The following CDYL2 variants were observed in gnomAD, a reference collection of about 807,000 sequenced individuals.
CDYL2 encodes the protein chromodomain Y like 2, also known as chromodomain Y-like protein 2.
CDYL2 carries 23 observed loss-of-function variants against 49.4 expected under a neutral mutation model. That is an observed-to-expected ratio of 0.47 (90% confidence interval 0.34 to 0.66). The LOEUF (loss-of-function observed/expected upper bound fraction) is 0.66, where lower values mean the gene tolerates loss of function less well. Among genes scored for constraint, CDYL2 ranks in the 30% least tolerant of loss-of-function variants. CDYL2 has a pLI of 0.01. For synonymous variants in CDYL2, 360 were observed against 268.8 expected, an observed-to-expected ratio of 1.34 and a Z score of -3.32; for missense variants, 678 against 656.4, an observed-to-expected ratio of 1.03 and a Z score of -0.36.
At chr16:80,764,341 A>G (rs1906639460) in intron 1 of CDYL2, among the ~76,000 whole-genome samples, 2 of 152,204 alleles carry the variant, frequency 1.3e-5, no homozygotes, top group African/African-American at 4.8e-5. Flanking sequence ...TGAGAGACAG[A>G]AAAAGAGATA....
At chr16:80,730,658 A>T (rs930702005) in intron 1 of CDYL2, among the ~76,000 whole-genome samples, 1 of 152,208 alleles carries the variant, frequency 6.6e-6, no homozygotes, top group African/African-American at 2.4e-5. Flanking sequence ...AAAAAAAAGA[A>T]TTTTAGACCA....
intron 1 of CDYL2, among the ~76,000 whole-genome samples, chr16:80,713,306 A>T (rs1392171460): frequency 6.6e-6 from 1 of 152,214 alleles, no homozygotes. Flanking sequence ...AGAACAGTGC[A>T]TTGTGGGAGA....
chr16:80,630,123 T>C (rs1014202854), intron 3 of CDYL2, among the ~76,000 whole-genome samples: 2 of 152,230 alleles, frequency 1.3e-5, no homozygotes, highest in Admixed American at 1.3e-4. Flanking sequence ...CATTACGGGC[T>C]GCTTTACCCA....
intron 2 of CDYL2, among the ~76,000 whole-genome samples, chr16:80,664,333 C>G (rs1411368907): frequency 1.3e-5 from 2 of 152,162 alleles, no homozygotes; most frequent in African/African-American, 4.8e-5. Context: ...ACATCTAATC[C>G]TCCGGGGCCA....
intron 4 of CDYL2, among the ~76,000 whole-genome samples, chr16:80,620,057 T>C (rs897619192): frequency 6.6e-6 from 1 of 152,188 alleles, no homozygotes; most frequent in African/African-American, 2.4e-5. Flanking sequence ...CTAAGCAAGA[T>C]ACAGCAGCAC....
chr16:80,608,206 C>T lies in CDYL2; in HGVS notation c.1248G>A (p.Lys416=). ...TGCTGCAGGCCTCCTGGGCGGTGAG[C>T]TTCCGCCCACAGAACAGCATCTCAT... ...LANEMLFCGR[K]LTAQEACSRG... Residue 416 remains lysine, a synonymous_variant, in exon 6 of 7, where the codon AAG becomes AAA. Transcript: ENST00000570137. The T allele has an allele frequency of 6.3e-7, 1 of 1,589,492 alleles. No homozygotes were observed. Among genetic ancestry groups the T allele is most frequent in the Non-Finnish European group, 8.6e-7 (1 of 1,167,372 alleles).
At chr16:80,711,105 T>C (rs1014150531) in intron 1 of CDYL2, among the ~76,000 whole-genome samples, 1 of 151,922 alleles carries the variant, frequency 6.6e-6, no homozygotes, top group Non-Finnish European at 1.5e-5. Flanking sequence ...AAAGTAAAGG[T>C]TGTGCTACGC....
chr16:80,771,697 TG>T (rs1363597312), intron 1 of CDYL2, among the ~76,000 whole-genome samples: 1 of 151,772 alleles, frequency 6.6e-6, no homozygotes, highest in Non-Finnish European at 1.5e-5. Context: ...CACTCCAGCT[TG>T]GGTGTCAAAG....
chr16:80,690,213 C>A (rs982540424), intron 1 of CDYL2, among the ~76,000 whole-genome samples: 12 of 152,082 alleles, frequency 7.9e-5, no homozygotes, highest in African/African-American at 2.9e-4. Flanking sequence ...ACAACGGCAG[C>A]GGGAATGGAT....
intron 1 of CDYL2, among the ~76,000 whole-genome samples, chr16:80,765,782 G>A (rs936716067): frequency 7.1e-6 from 1 of 141,408 alleles, no homozygotes; most frequent in Non-Finnish European, 1.5e-5. Flanking sequence ...GTACTGTACC[G>A]GTAGCTCTGG....
intron 2 of CDYL2, among the ~76,000 whole-genome samples, chr16:80,653,463 CTCAAAAA>C (rs1908674210): frequency 6.6e-6 from 1 of 151,858 alleles, no homozygotes; most frequent in African/African-American, 2.4e-5. Context: ...GAAACTCCGT[CTCAAAAA>C]ACAAAAAAGC....
At chr16:80,712,465 CCT>C (rs748996009) in intron 1 of CDYL2, among the ~76,000 whole-genome samples, 26 of 151,930 alleles carry the variant, frequency 1.7e-4, no homozygotes, top group Non-Finnish European at 3.2e-4. Flanking sequence ...CTCACATCTC[CCT>C]GTTTCCTCAC....
intron 1 of CDYL2, among the ~76,000 whole-genome samples, chr16:80,706,078 G>A (rs1904394331): frequency 6.6e-6 from 1 of 152,188 alleles, no homozygotes; most frequent in African/African-American, 2.4e-5. Context: ...GAAGACTGAT[G>A]GAAAAGTGTT....
chr16:80,717,885 T>C (rs541298478), intron 1 of CDYL2, among the ~76,000 whole-genome samples: 10 of 152,308 alleles, frequency 6.6e-5, no homozygotes, highest in African/African-American at 2.4e-4. Context: ...TCCCACATGG[T>C]TCGTGGAAGC....
chr16:80,621,041 C>T, intron 3 of CDYL2, 106 bp from the exon 4 acceptor site: 2 of 1,281,730 alleles, frequency 1.6e-6, no homozygotes, highest in South Asian at 1.7e-5. Context: ...GGGTAGAGGC[C>T]AGGGAATCTG....
rs1908129062 is a variant in CDYL2, at chr16:80,642,244, A to G, written c.617-9008T>C. 3.9e-5 allele frequency among the ~76,000 whole-genome samples: 6 copies of G among 152,260 alleles called. No homozygotes were observed. The South Asian group carries it at 1.0e-3, about 26-fold the overall frequency. ...CTTCACTTGAGGTCAGGAGTTCGTG[A>G]CCAGACTGGCCAAAGTGATGAAACC... On this transcript the variant is annotated intron_variant, in intron 2 of 6. Coordinates refer to ENST00000570137, the MANE Select transcript of CDYL2 (RefSeq NM_152342.4).
chr16:80,752,681 G>C (rs978343745), intron 1 of CDYL2, among the ~76,000 whole-genome samples: 2 of 152,174 alleles, frequency 1.3e-5, no homozygotes, highest in Non-Finnish European at 2.9e-5. Flanking sequence ...ACAAGGGAGT[G>C]AATTTGTCAC....
chr16:80,752,572 A>T (rs1906172843), intron 1 of CDYL2, among the ~76,000 whole-genome samples: 1 of 152,234 alleles, frequency 6.6e-6, no homozygotes, highest in South Asian at 2.1e-4. Context: ...TAAAACTGAC[A>T]GCTGGGTCCT....
chr16:80,755,300 T>C (rs1234268147), intron 1 of CDYL2, among the ~76,000 whole-genome samples: 2 of 152,190 alleles, frequency 1.3e-5, no homozygotes, highest in Non-Finnish European at 2.9e-5. Flanking sequence ...TCTGGACATC[T>C]TGAATCCATG....
Sources: gnomAD v4.1 joint callset for allele counts (sites outside exome capture counted in the v4.1 genomes callset) on GRCh38, gnomAD v4.1.1 for gene constraint, MANE v1.5 for transcripts, NCBI Gene and HGNC (gene_info 2026-07-23, HGNC 2026-07-21) for gene names.